The following NOL4 variants were observed in gnomAD, a reference collection of about 807,000 sequenced individuals.
NOL4 encodes the protein nucleolar protein 4, also known as cancer/testis antigen 125.
Under a neutral mutation model 75.9 loss-of-function variants are expected in NOL4, and 17 were observed. The observed-to-expected ratio is 0.22, with a 90% CI of 0.15 to 0.34. The LOEUF (loss-of-function observed/expected upper bound fraction) is 0.34, where lower values mean the gene tolerates loss of function less well. Ranked by LOEUF, NOL4 falls within the 10% of genes least tolerant of loss-of-function variation. The pLI is 1.00. For missense variants in NOL4, 614 were observed against 793.5 expected (o/e 0.77, Z 2.72); for synonymous variants, 292 against 289.9 (o/e 1.01, Z -0.07).
At chr18:33,956,427 G>A (rs991247050) in intron 8 of NOL4, among the ~76,000 whole-genome samples, 1 of 152,002 alleles carries the variant, frequency 6.6e-6, no homozygotes. Flanking sequence ...CCTCTCTTAT[G>A]TACACCAATT....
intron 10 of NOL4, among the ~76,000 whole-genome samples, chr18:33,872,037 A>C (rs555664708): frequency 1.3e-5 from 2 of 151,930 alleles, no homozygotes; most frequent in South Asian, 4.1e-4. Flanking sequence ...TACAAATAAG[A>C]ATCATCTCTC....
intron 2 of NOL4, among the ~76,000 whole-genome samples, chr18:34,107,680 G>GA (rs78952634): frequency 0.055 from 5,598 of 100,970 alleles, 93 homozygotes; most frequent in Middle Eastern, 0.086. Flanking sequence ...CGCACGTAAA[G>GA]AAAAAAAAAA....
chr18:33,952,230 A>G lies in NOL4; in HGVS notation c.1428+5096T>C, dbSNP rs185273832. 2.2e-3 allele frequency among the ~76,000 whole-genome samples: 336 copies of G among 152,298 alleles called. 2 individuals are homozygous for G. Among genetic ancestry groups the G allele is most frequent in the Middle Eastern group, 3.4e-3 (1 of 294 alleles). On this transcript the variant is annotated intron_variant, in intron 8 of 10. Transcript: ENST00000261592. ...CTTGCTTAAAGTAAAAGATGCAGTG[A>G]TAAGTAGCTCTGAAAAATATATTGG... is the stretch of plus-strand genomic sequence containing the variant.
chr18:34,073,732 T>A (rs1460705886), intron 5 of NOL4, among the ~76,000 whole-genome samples: 1 of 152,056 alleles, frequency 6.6e-6, no homozygotes, highest in African/African-American at 2.4e-5. Flanking sequence ...GCCTTGTATA[T>A]ATTAAGTAGT....
intron 1 of NOL4, among the ~76,000 whole-genome samples, chr18:34,161,647 T>G (rs2031502457): frequency 6.6e-6 from 1 of 152,186 alleles, no homozygotes. Flanking sequence ...ACATCTTCTC[T>G]TAAGTGATGT....
chr18:34,001,507 A>T (rs1296869646), intron 6 of NOL4, among the ~76,000 whole-genome samples: 1 of 152,064 alleles, frequency 6.6e-6, no homozygotes, highest in Non-Finnish European at 1.5e-5. Flanking sequence ...GCCCTGACAC[A>T]GTCTAAGTAA....
chr18:33,854,810 A>C (rs1440193483), intron 10 of NOL4, among the ~76,000 whole-genome samples: 2 of 151,744 alleles, frequency 1.3e-5, no homozygotes, highest in African/African-American at 4.8e-5. Flanking sequence ...TGGCATCCTT[A>C]AGTAAAATTG....
chr18:34,091,439 A>C (rs1322562943), intron 5 of NOL4, among the ~76,000 whole-genome samples: 1 of 152,086 alleles, frequency 6.6e-6, no homozygotes, highest in Non-Finnish European at 1.5e-5. Context: ...TCCTGCCACC[A>C]TGAGAGGATA....
chr18:34,158,896 T>C (rs2030935266), intron 1 of NOL4, among the ~76,000 whole-genome samples: 1 of 152,110 alleles, frequency 6.6e-6, no homozygotes, highest in African/African-American at 2.4e-5. Flanking sequence ...CTCTGGAAGA[T>C]GCTGAGATAC....
intron 1 of NOL4, among the ~76,000 whole-genome samples, chr18:34,164,801 T>C (rs866214771): frequency 4.6e-5 from 7 of 151,732 alleles, no homozygotes; most frequent in Middle Eastern, 6.8e-3. Context: ...CGTATGTTTA[T>C]TGCGGCACTA....
intron 5 of NOL4, among the ~76,000 whole-genome samples, chr18:34,084,550 A>C (rs1471654904): frequency 6.6e-6 from 1 of 152,238 alleles, no homozygotes; most frequent in Non-Finnish European, 1.5e-5. Context: ...ATTGTATTTC[A>C]AATACTGTGT....
intron 5 of NOL4, among the ~76,000 whole-genome samples, chr18:34,051,220 C>T (rs1186266271): frequency 6.6e-6 from 1 of 151,900 alleles, no homozygotes. Flanking sequence ...CAGGTATATA[C>T]TTAATAAATG....
At chr18:34,221,934 G>A in intron 1 of NOL4, 2 of 1,138,490 alleles carry the variant, frequency 1.8e-6, no homozygotes, top group Non-Finnish European at 2.5e-6. Flanking sequence ...GGGAAAGGAA[G>A]AAATGCTCAA....
At chr18:34,153,375 A>T (rs570229440) in intron 1 of NOL4, among the ~76,000 whole-genome samples, 16 of 152,070 alleles carry the variant, frequency 1.1e-4, no homozygotes, top group African/African-American at 3.1e-4. Flanking sequence ...TTCCATATCA[A>T]TTATTTACAT....
chr18:33,974,572 A>G (rs1257600561), intron 6 of NOL4, among the ~76,000 whole-genome samples: 2 of 152,192 alleles, frequency 1.3e-5, no homozygotes, highest in Non-Finnish European at 2.9e-5. Flanking sequence ...ATCAAAAACA[A>G]TTACAATATT....
chr18:34,100,138 C>T (rs2078979829), intron 4 of NOL4, among the ~76,000 whole-genome samples: 1 of 151,910 alleles, frequency 6.6e-6, no homozygotes, highest in Admixed American at 6.6e-5. Flanking sequence ...TCTGATCCCT[C>T]CTGTCTGTGC....
chr18:34,022,572 T>C (rs975719245), intron 5 of NOL4, among the ~76,000 whole-genome samples: 1 of 152,086 alleles, frequency 6.6e-6, no homozygotes, highest in African/African-American at 2.4e-5. Flanking sequence ...TGATTTTTAT[T>C]ACTTTATTAT....
At chr18:33,862,566 A>G (rs2063203691) in intron 10 of NOL4, among the ~76,000 whole-genome samples, 1 of 152,168 alleles carries the variant, frequency 6.6e-6, no homozygotes, top group Non-Finnish European at 1.5e-5. Flanking sequence ...ACTTAAACAA[A>G]TTTACAAGAA....
At chr18:34,151,788 A>T (rs1161140311) in intron 1 of NOL4, among the ~76,000 whole-genome samples, 2 of 151,790 alleles carry the variant, frequency 1.3e-5, no homozygotes, top group African/African-American at 4.8e-5. Flanking sequence ...GGTGCTTATG[A>T]GCTTGTGAGG....
Sources: gnomAD v4.1 joint callset for allele counts (sites outside exome capture counted in the v4.1 genomes callset) on GRCh38, gnomAD v4.1.1 for gene constraint, MANE v1.5 for transcripts, NCBI Gene and HGNC (gene_info 2026-07-23, HGNC 2026-07-21) for gene names.